The following BMP8A variants were observed in gnomAD, a reference collection of about 807,000 sequenced individuals.
BMP8A encodes bone morphogenetic protein 8a.
A neutral mutation model predicts 36.8 loss-of-function variants in BMP8A; 14 were observed. The observed-to-expected ratio is 0.38, with a 90% CI of 0.25 to 0.60. The LOEUF is 0.60. BMP8A is among the 20% of genes least tolerant of loss of function. The pLI is 0.63. For synonymous variants in BMP8A, 120 were observed against 237.7 expected (o/e 0.50, Z 4.55); for missense variants, 267 against 551.1 (o/e 0.48, Z 5.16).
chr1:39,526,902 A>G lies in BMP8A; in HGVS notation c.*1104A>G, dbSNP rs1186875200. Among the ~76,000 whole-genome samples the G allele has an allele frequency of 6.6e-6, 1 of 152,190 alleles. No individual in the cohort carries two copies. Among genetic ancestry groups the G allele is most frequent in the African/African-American group, 2.4e-5 (1 of 41,434 alleles). ...CATGGCTCATGTCAGTAATCAACCT[A>G]CGTACCTTTCCCACTGAACCAGGAC... On this transcript the variant is annotated 3_prime_UTR_variant, in exon 7 of 7. Transcript: ENST00000331593.
chr1:39,516,737 G>A (rs948229059), intron 3 of BMP8A, among the ~76,000 whole-genome samples: 4 of 151,810 alleles, frequency 2.6e-5, no homozygotes, highest in African/African-American at 7.3e-5. Flanking sequence ...ATGGATGTCC[G>A]CTTTGCTCTG....
rs6678449 is a variant in BMP8A, at chr1:39,528,131, A to G, written c.*2333A>G. 0.022 allele frequency among the ~76,000 whole-genome samples: 3,380 copies of G among 152,304 alleles called. 104 individuals carry two copies. Among genetic ancestry groups the G allele is most frequent in the Middle Eastern group, 0.078 (23 of 294 alleles). ...ATGTTTTCAAGACGCAAACGCTGCTATGCCCATCAGGTGTGCACAGCAGGC... is the reference window on the plus strand; with the variant it reads ...ATGTTTTCAAGACGCAAACGCTGCTGTGCCCATCAGGTGTGCACAGCAGGC... On this transcript the variant is annotated 3_prime_UTR_variant, in exon 7 of 7. Transcript: ENST00000331593.
At chr1:39,508,934 G>A (rs962569765) in intron 1 of BMP8A, among the ~76,000 whole-genome samples, 1 of 152,234 alleles carries the variant, frequency 6.6e-6, no homozygotes, top group Non-Finnish European at 1.5e-5. Flanking sequence ...CCACAGCGCG[G>A]AAGTTTGGAA....
rs1645158381 is a variant in BMP8A at position 39,491,673 on chromosome 1, C to G, written c.-319C>G. 6.4e-6 allele frequency: 1 copy of G among 156,726 alleles called. No individual in the cohort carries two copies. Among genetic ancestry groups the G allele is most frequent in the Non-Finnish European group, 1.4e-5 (1 of 71,450 alleles). 9.7% of individuals were successfully genotyped at this position (156,726 alleles called of 1,614,324 possible). A position where few individuals can be genotyped will look rare whatever the true frequency, so the allele number is the denominator to read the frequency against. On this transcript the variant is annotated 5_prime_UTR_variant, in exon 1 of 7. Coordinates refer to ENST00000331593, the MANE Select transcript of BMP8A (RefSeq NM_181809.4). ...TCGCTGCCGGAGCTCGCCGGTCGCCCCTGCGCTGCGCGGACCGCAGCCACA... is the reference window on the plus strand; with the variant it reads ...TCGCTGCCGGAGCTCGCCGGTCGCCGCTGCGCTGCGCGGACCGCAGCCACA...
chr1:39,511,317 A>G lies in BMP8A; in HGVS notation c.478A>G (p.Thr160Ala). The G allele has an allele frequency of 1.8e-6, 2 of 1,133,444 alleles. No individual in the cohort carries two copies. Among genetic ancestry groups the G allele is most frequent in the African/African-American group, 1.6e-5 (1 of 60,924 alleles). The allele number at this position is 1,133,444 out of a possible 1,614,324, so 70.2% of individuals were successfully genotyped here. A position where few individuals can be genotyped will look rare whatever the true frequency, so the allele number is the denominator to read the frequency against. Residue 160 changes from threonine (T) to alanine (A), a missense_variant, in exon 2 of 7, where the codon ACC becomes GCC. Physicochemically the swap from Thr to Ala is moderately conservative, Grantham distance 58. Transcript: ENST00000331593. ...KVPSIHLLNR[T>A]LHVSMFQVVQ... Reference sequence around the variant, plus strand: ...GCCCAGCATCCACCTGCTCAACAGGACCCTCCACGTCAGCATGTTCCAGGT... The same window carrying G: ...GCCCAGCATCCACCTGCTCAACAGGGCCCTCCACGTCAGCATGTTCCAGGT...
chr1:39,507,441 C>T (rs1002043022), intron 1 of BMP8A, among the ~76,000 whole-genome samples: 3 of 152,200 alleles, frequency 2.0e-5, no homozygotes, highest in African/African-American at 7.2e-5. Flanking sequence ...CTAGAGGCCT[C>T]GAGCGCTTTT....
Position 39,529,066 on chromosome 1 carries a change from G to T in BMP8A, c.*3268G>T, listed in dbSNP as rs568768437. 7.2e-5 allele frequency: 11 copies of T among 152,226 alleles called. No individual in the cohort carries two copies. Among genetic ancestry groups the T allele is most frequent in the African/African-American group, 2.7e-4 (11 of 41,432 alleles). 9.4% of individuals were successfully genotyped at this position (152,226 alleles called of 1,614,324 possible). ...ACCACATCATGTACCTGCTGTGCCC[G>T]TTCCTTCCTCCGTAGAAGAGGGTGC... On this transcript the variant is annotated 3_prime_UTR_variant, in exon 7 of 7. Transcript: ENST00000331593.
chr1:39,492,865 C>T (rs2124298329), intron 1 of BMP8A, among the ~76,000 whole-genome samples: 1 of 152,238 alleles, frequency 6.6e-6, no homozygotes, highest in East Asian at 1.9e-4. Flanking sequence ...ACTCAGCTCG[C>T]TGGGGCAGGG....
intron 3 of BMP8A, chr1:39,515,952 A>T (rs1231683271): frequency 6.8e-7 from 1 of 1,464,330 alleles, no homozygotes; most frequent in African/African-American, 1.5e-5. Context: ...GTCCATCTTC[A>T]CAGTGAGAAC....
chr1:39,499,474 AAGAC>A (rs1376922511), intron 1 of BMP8A, among the ~76,000 whole-genome samples: 6 of 152,238 alleles, frequency 3.9e-5, no homozygotes, highest in African/African-American at 1.4e-4. Flanking sequence ...GGTCAGAAAT[AAGAC>A]AGATTTAGGT....
intron 5 of BMP8A, 34 bp from the exon 6 acceptor site, chr1:39,522,973 A>G: frequency 6.4e-7 from 1 of 1,550,446 alleles, no homozygotes; most frequent in South Asian, 1.2e-5. Context: ...GGAGGAGCAC[A>G]TGGATGGGAC....
intron 1 of BMP8A, among the ~76,000 whole-genome samples, chr1:39,494,958 A>C (rs1645192359): frequency 7.2e-6 from 1 of 138,704 alleles, no homozygotes; most frequent in Non-Finnish European, 1.5e-5. Flanking sequence ...TGCTGTGCTA[A>C]CTGCACTAGT....
At chr1:39,497,332 A>T (rs1353912520) in intron 1 of BMP8A, among the ~76,000 whole-genome samples, 2 of 152,176 alleles carry the variant, frequency 1.3e-5, no homozygotes, top group African/African-American at 4.8e-5. Flanking sequence ...CCTTTGAGGC[A>T]AGGTAAGTGA....
rs1360619759 is a variant in BMP8A, at chr1:39,491,877, G to A, written c.-115G>A. The A allele has an allele frequency of 2.2e-6, 2 of 926,768 alleles. No homozygotes were observed. Among genetic ancestry groups the A allele is most frequent in the African/African-American group, 1.8e-5 (1 of 55,934 alleles). The allele number at this position is 926,768 out of a possible 1,614,324, so 57.4% of individuals were successfully genotyped here. On this transcript the variant is annotated 5_prime_UTR_variant, in exon 1 of 7. Transcript: ENST00000331593. Reference sequence around the variant, plus strand: ...CGCGCTGAGGCCGCAGACGCCGCCCGCCGAGCCCCGCCCCCTGCTCGCCGA... The same window carrying A: ...CGCGCTGAGGCCGCAGACGCCGCCCACCGAGCCCCGCCCCCTGCTCGCCGA...
chr1:39,509,728 A>G (rs1334664310), intron 1 of BMP8A, among the ~76,000 whole-genome samples: 1 of 152,134 alleles, frequency 6.6e-6, no homozygotes, highest in Non-Finnish European at 1.5e-5. Flanking sequence ...TGCTTTTCCA[A>G]ACCTGACTGT....
intron 1 of BMP8A, among the ~76,000 whole-genome samples, chr1:39,500,739 A>G (rs1570279488): frequency 1.3e-5 from 2 of 151,614 alleles, no homozygotes; most frequent in South Asian, 2.1e-4. Context: ...TGCAACCTCT[A>G]CCTCCTGGGT....
chr1:39,529,551 C>G lies in BMP8A; in HGVS notation c.*3753C>G, dbSNP rs2124393600. On this transcript the variant is annotated 3_prime_UTR_variant, in exon 7 of 7. Transcript: ENST00000331593. ...TCCTTACTGAAAAGTCTTGAGCAAA[C>G]AGTTGCCGCTCTCCACCCCCTGCTT... 6.6e-6 allele frequency among the ~76,000 whole-genome samples: 1 copy of G among 152,350 alleles called. No homozygotes were observed. Among genetic ancestry groups the G allele is most frequent in the East Asian group, 1.9e-4 (1 of 5,182 alleles).
chr1:39,514,067 AC>A (rs1317274655), intron 3 of BMP8A, among the ~76,000 whole-genome samples: 1 of 145,930 alleles, frequency 6.9e-6, no homozygotes, highest in Non-Finnish European at 1.5e-5. Context: ...GTTGTTGATG[AC>A]CTAAATATCC....
Position 39,492,095 on chromosome 1 carries a change from G to A in BMP8A, c.104G>A (p.Arg35His). Residue 35 changes from arginine (R) to histidine (H), a missense_variant, in exon 1 of 7, where the codon CGT becomes CAT. Physicochemically the swap from Arg to His is conservative, Grantham distance 29. Transcript: ENST00000331593. ...CCCCCGCCCGGCTGTCCCCAGCGAC[G>A]TCTGGGCGCGCGCGAGCGCCGGGAC... ...LRPPPGCPQR[R>H]LGARERRDVQ... The A allele has an allele frequency of 8.6e-7, 1 of 1,164,724 alleles. No individual in the cohort carries two copies. The highest frequency in any genetic ancestry group is 1.1e-6 in the Non-Finnish European group (1 of 947,934). The allele number at this position is 1,164,724 out of a possible 1,614,324, so 72.1% of individuals were successfully genotyped here. A position where few individuals can be genotyped will look rare whatever the true frequency, so the allele number is the denominator to read the frequency against.
Sources: gnomAD v4.1 joint callset for allele counts (sites outside exome capture counted in the v4.1 genomes callset) on GRCh38, gnomAD v4.1.1 for gene constraint, MANE v1.5 for transcripts, NCBI Gene and HGNC (gene_info 2026-07-23, HGNC 2026-07-21) for gene names.